HOMER2: variants seen among roughly 807,000 people sequenced by gnomAD.
The protein encoded by HOMER2 is homer scaffold protein 2.
A neutral mutation model predicts 47.0 loss-of-function variants in HOMER2; 27 were observed. The observed-to-expected ratio is 0.57, with a 90% CI of 0.42 to 0.79. The LOEUF (loss-of-function observed/expected upper bound fraction) is 0.79. Ranked by LOEUF, HOMER2 falls within the 30% of genes least tolerant of loss-of-function variation. The pLI is 0.00. For synonymous variants in HOMER2, 161 were observed against 163.8 expected (o/e 0.98, Z 0.13); for missense variants, 443 against 435.0 (o/e 1.02, Z -0.16).
chr15:82,916,652 G>A (rs2053597029), intron 1 of HOMER2, among the ~76,000 whole-genome samples: 1 of 152,180 alleles, frequency 6.6e-6, no homozygotes, highest in Non-Finnish European at 1.5e-5. Context: ...AGGGTCGGCA[G>A]AGGGGGAGAG....
intron 1 of HOMER2, among the ~76,000 whole-genome samples, chr15:82,943,052 C>T (rs1477718721): frequency 2.0e-5 from 3 of 152,180 alleles, no homozygotes; most frequent in African/African-American, 2.4e-5. Flanking sequence ...CACCTAACTC[C>T]AGACGGTGCC....
intron 7 of HOMER2, among the ~76,000 whole-genome samples, chr15:82,851,792 A>T (rs1170931699): frequency 6.6e-6 from 1 of 152,218 alleles, no homozygotes; most frequent in Non-Finnish European, 1.5e-5. Flanking sequence ...AAATTTTTTT[A>T]AAAAAGAAAA....
intron 1 of HOMER2, among the ~76,000 whole-genome samples, chr15:82,937,360 T>C (rs1470052158): frequency 6.6e-6 from 1 of 152,222 alleles, no homozygotes; most frequent in Non-Finnish European, 1.5e-5. Context: ...GACTCTGGGC[T>C]GCTGCTGGAC....
chr15:82,918,339 C>T (rs920237284), intron 1 of HOMER2, among the ~76,000 whole-genome samples: 1 of 152,112 alleles, frequency 6.6e-6, no homozygotes, highest in Non-Finnish European at 1.5e-5. Context: ...GAGGTCTTTG[C>T]CAGGGATCCT....
chr15:82,877,738 G>T (rs954790246), intron 2 of HOMER2, among the ~76,000 whole-genome samples: 2 of 152,096 alleles, frequency 1.3e-5, no homozygotes, highest in African/African-American at 4.8e-5. Context: ...ATGTCCATCT[G>T]AGTCAGGACA....
intron 1 of HOMER2, among the ~76,000 whole-genome samples, chr15:82,942,794 C>G (rs754863788): frequency 1.3e-5 from 2 of 152,038 alleles, no homozygotes; most frequent in East Asian, 1.9e-4. Flanking sequence ...CCGGCCTTCC[C>G]GATCCTCTGG....
chr15:82,878,442 C>T (rs1256683674), intron 2 of HOMER2, among the ~76,000 whole-genome samples: 1 of 152,196 alleles, frequency 6.6e-6, no homozygotes, highest in East Asian at 1.9e-4. Context: ...GTATGTCTTA[C>T]TTACAAAGCA....
chr15:82,954,460 G>GTTTT (rs34974567), upstream of HOMER2, among the ~76,000 whole-genome samples: 84 of 134,424 alleles, frequency 6.2e-4, no homozygotes, highest in African/African-American at 2.2e-3. Context: ...ACCACGCCCA[G>GTTTT]TTTTTTTTTT....
At chr15:82,896,682 A>G (rs2052929937) in intron 1 of HOMER2, among the ~76,000 whole-genome samples, 1 of 151,516 alleles carries the variant, frequency 6.6e-6, no homozygotes, top group African/African-American at 2.4e-5. Context: ...CCAGAGGCCA[A>G]AGACCTGCAT....
chr15:82,986,089 C>G (rs562380802), upstream of HOMER2: 62 of 985,524 alleles, frequency 6.3e-5, no homozygotes, highest in Non-Finnish European at 7.3e-5. Context: ...CCTCATCGAG[C>G]TCTGGGCGTT....
intron 5 of HOMER2, 54 bp downstream of exon 5, chr15:82,858,975 T>C: frequency 6.3e-7 from 1 of 1,576,388 alleles, no homozygotes; most frequent in Non-Finnish European, 8.6e-7. Flanking sequence ...GAAAGGCTTC[T>C]AGGGAAGTGC....
chr15:82,899,941 G>A (rs1303421584), intron 1 of HOMER2, among the ~76,000 whole-genome samples: 1 of 152,140 alleles, frequency 6.6e-6, no homozygotes, highest in East Asian at 1.9e-4. Context: ...AGAATCGCTT[G>A]AACCAGGGAG....
At chr15:82,939,160 C>G (rs746757021) in intron 1 of HOMER2, among the ~76,000 whole-genome samples, 1 of 152,144 alleles carries the variant, frequency 6.6e-6, no homozygotes, top group Non-Finnish European at 1.5e-5. Context: ...CATATCCGCC[C>G]AAAACTAAAC....
chr15:82,837,319 C>T (rs1340725308), exon 2 of HOMER2: 1 of 152,236 alleles, frequency 6.6e-6, no homozygotes, highest in Non-Finnish European at 1.5e-5. Context: ...CCACAGGTTC[C>T]AGGGATTAGG....
At chr15:82,978,920 C>T (rs1464170713) in intron 1 of HOMER2, among the ~76,000 whole-genome samples, 3 of 152,164 alleles carry the variant, frequency 2.0e-5, no homozygotes, top group African/African-American at 4.8e-5. Flanking sequence ...CGGGTTTCAC[C>T]GTGTTGGCCA....
intron 1 of HOMER2, among the ~76,000 whole-genome samples, chr15:82,974,549 A>G (rs1322295407): frequency 6.6e-6 from 1 of 152,206 alleles, no homozygotes. Context: ...TAATCTGAGG[A>G]GAGAGACATA....
chr15:82,934,658 GC>G (rs1332940699), intron 1 of HOMER2, among the ~76,000 whole-genome samples: 2 of 152,028 alleles, frequency 1.3e-5, no homozygotes, highest in African/African-American at 4.8e-5. Context: ...GGTGGATCCT[GC>G]CCCCCTGCCT....
intron 2 of HOMER2, among the ~76,000 whole-genome samples, chr15:82,882,692 G>C (rs192662918): frequency 3.3e-4 from 51 of 152,290 alleles, no homozygotes; most frequent in Non-Finnish European, 5.7e-4. Context: ...CAGGTAGAGC[G>C]TGACACATGC....
At chr15:82,961,023 G>C (rs958783920) in intron 1 of HOMER2, among the ~76,000 whole-genome samples, 1 of 152,226 alleles carries the variant, frequency 6.6e-6, no homozygotes, top group African/African-American at 2.4e-5. Context: ...CCCAGCTTCT[G>C]TGTAGGGCAG....
Sources: allele counts gnomAD v4.1 joint callset (sites outside exome capture counted in the v4.1 genomes callset), GRCh38; gene constraint gnomAD v4.1.1; transcripts MANE v1.5; gene names NCBI Gene and HGNC (gene_info 2026-07-23, HGNC 2026-07-21).